EPHA10: variants seen among roughly 807,000 people sequenced by gnomAD.
EPHA10 encodes EPH receptor A10, also known as ephrin type-A receptor 10.
Under a neutral mutation model 109.7 loss-of-function variants are expected in EPHA10, and 120 were observed. The ratio of observed to expected loss-of-function variants is 1.09; its 90% CI spans 0.94 to 1.27. The LOEUF is 1.27. Ranked by LOEUF, EPHA10 falls within the 50% of genes most tolerant of loss-of-function variation. EPHA10 has a pLI of 0.00. For synonymous variants in EPHA10, 640 were observed against 618.9 expected (o/e 1.03, Z -0.51); for missense variants, 1,396 against 1,411.1 (o/e 0.99, Z 0.17).
rs772710066 is a variant in EPHA10, at chr1:37,723,026, G to C, written c.1960+15C>G. The C allele has an allele frequency of 1.1e-4, 179 of 1,613,966 alleles. No individual in the cohort carries two copies. The highest frequency in any genetic ancestry group is 9.2e-5 in the Non-Finnish European group (108 of 1,179,988). Reference sequence around the variant, plus strand: ...CTTCCAGATGGGGACAAGGCTTCCTGGGCGCCCAGCTTGCCTCCTCCAAGG... The same window carrying C: ...CTTCCAGATGGGGACAAGGCTTCCTCGGCGCCCAGCTTGCCTCCTCCAAGG... On this transcript the variant is annotated intron_variant, in intron 10 of 16. Coordinates refer to ENST00000373048, the MANE Select transcript of EPHA10 (RefSeq NM_001099439.2).
intron 13 of EPHA10, 132 bp downstream of exon 13, chr1:37,720,219 T>A (rs1400983045): frequency 1.4e-6 from 2 of 1,386,046 alleles, no homozygotes; most frequent in East Asian, 2.5e-5. Context: ...CAAGGTGGGG[T>A]TCACTCGCAT....
intron 3 of EPHA10, among the ~76,000 whole-genome samples, chr1:37,755,536 A>C (rs1054179305): frequency 6.6e-6 from 1 of 152,186 alleles, no homozygotes; most frequent in African/African-American, 2.4e-5. Flanking sequence ...CAGGTTGTTA[A>C]GATCACAAGT....
At chr1:37,725,874 A>G (rs1342892913) in intron 8 of EPHA10, among the ~76,000 whole-genome samples, 1 of 152,188 alleles carries the variant, frequency 6.6e-6, no homozygotes, top group Non-Finnish European at 1.5e-5. Context: ...CATGGCGCAG[A>G]GCAGGTACTA....
chr1:37,756,081 G>A (rs1027769129), intron 3 of EPHA10, among the ~76,000 whole-genome samples: 2 of 152,148 alleles, frequency 1.3e-5, no homozygotes, highest in African/African-American at 4.8e-5. Context: ...GGGCTCGGCA[G>A]CCCAGGAGCC....
Position 37,748,918 on chromosome 1 carries a change from C to CTTTT in EPHA10, c.1357+3954_1357+3957dup, listed in dbSNP as rs55656984. 7.5e-3 allele frequency among the ~76,000 whole-genome samples: 712 copies of CTTTT among 95,272 alleles called. 3 individuals carry two copies. Among genetic ancestry groups the CTTTT allele is most frequent in the East Asian group, 0.01 (32 of 3,072 alleles). 62.5% of individuals were successfully genotyped at this position (95,272 alleles called of 152,430 possible). A position where few individuals can be genotyped will look rare whatever the true frequency, so the allele number is the denominator to read the frequency against. On this transcript the variant is annotated intron_variant, in intron 5 of 16. Transcript: ENST00000373048. Reference sequence around the variant, plus strand: ...TAAGATGAGTTTCCTTTCTTTTCATCTTTTTTTTTTTTTTTTTTTTTTGAG... The same window carrying CTTTT: ...TAAGATGAGTTTCCTTTCTTTTCATCTTTTTTTTTTTTTTTTTTTTTTTTTTGAG...
In EPHA10 at chr1:37,717,425, GC is replaced by G. The variant is rs762062257; in HGVS notation, c.*946del. 9.9e-5 allele frequency: 23 copies of G among 232,208 alleles called. No individual in the cohort carries two copies. Among genetic ancestry groups the G allele is most frequent in the Middle Eastern group, 1.3e-3 (1 of 774 alleles). The allele number at this position is 232,208 out of a possible 1,614,324, so 14.4% of individuals were successfully genotyped here. A position where few individuals can be genotyped will look rare whatever the true frequency, so the allele number is the denominator to read the frequency against. The stretch of plus-strand genomic sequence containing the variant: ...TGGATTGGGTTCTGACCTCAGCTCT[GC>G]TCCTGACTCCTCACTTGGCCTCAGT... On this transcript the variant is annotated 3_prime_UTR_variant, in exon 17 of 17. Coordinates refer to ENST00000373048, the MANE Select transcript of EPHA10 (RefSeq NM_001099439.2).
chr1:37,718,623 C>T (rs922975845), intron 16 of EPHA10, 38 bp downstream of exon 16: 4 of 1,612,912 alleles, frequency 2.5e-6, no homozygotes, highest in South Asian at 1.1e-5. Flanking sequence ...CTGTGGAATC[C>T]CCCAGCCCCG....
At chr1:37,757,931 C>T (rs904921289) in intron 3 of EPHA10, among the ~76,000 whole-genome samples, 1 of 152,160 alleles carries the variant, frequency 6.6e-6, no homozygotes, top group East Asian at 1.9e-4. Flanking sequence ...CAACCATCTC[C>T]CCTCTCCTCC....
Position 37,718,506 on chromosome 1 carries a change from C to T in EPHA10, c.2913-20G>A, listed in dbSNP as rs371339145. 4 of 1,612,916 alleles carry T rather than the reference C, an allele frequency of 2.5e-6. No homozygotes were observed. The highest frequency in any genetic ancestry group is 3.4e-6 in the Non-Finnish European group (4 of 1,179,768). ...AGGTCCCTGAAACAAAGGCTGGTCACACTCGGCTGGCTTGTCCCCAACTTC... is the reference window on the plus strand; with the variant it reads ...AGGTCCCTGAAACAAAGGCTGGTCATACTCGGCTGGCTTGTCCCCAACTTC... On this transcript the variant is annotated intron_variant, in intron 16 of 16. Coordinates refer to ENST00000373048, the MANE Select transcript of EPHA10 (RefSeq NM_001099439.2).
chr1:37,752,907 G>C lies in EPHA10; in HGVS notation c.1326C>G (p.Tyr442Ter). Residue 442 changes from tyrosine (Y) to a stop codon, truncating the protein, a stop_gained, in exon 5 of 17, where the codon TAC (tyrosine) becomes TAG (stop). Coordinates refer to ENST00000373048, the MANE Select transcript of EPHA10 (RefSeq NM_001099439.2). LOFTEE classifies it high-confidence loss of function. ...SGPAAAAGTT[Y>*]AQVTVSTGPG... ...GCCCGGTGGAGACGGTGACCTGCGC[G>C]TAGGTGGTTCCCGCGGCGGCCGCCG... 1 of 1,314,392 alleles carries C rather than the reference G, an allele frequency of 7.6e-7. No homozygotes were observed. The highest frequency in any genetic ancestry group is 2.1e-5 in the South Asian group (1 of 47,142). The allele number at this position is 1,314,392 out of a possible 1,614,324, so 81.4% of individuals were successfully genotyped here.
At chr1:37,741,758 T>TAAA in intron 5 of EPHA10, among the ~76,000 whole-genome samples, 1 of 143,116 alleles carries the variant, frequency 7.0e-6, no homozygotes, top group South Asian at 2.2e-4. Context: ...TCTGACCCTT[T>TAAA]AAAAAAAAAA....
chr1:37,741,156 T>A (rs1011600230), intron 5 of EPHA10, among the ~76,000 whole-genome samples: 1 of 152,228 alleles, frequency 6.6e-6, no homozygotes, highest in African/African-American at 2.4e-5. Context: ...AGAACAATGA[T>A]GACACCTCCT....
chr1:37,755,339 C>A (rs1646385019), intron 3 of EPHA10, among the ~76,000 whole-genome samples: 1 of 136,744 alleles, frequency 7.3e-6, no homozygotes, highest in African/African-American at 2.7e-5. Context: ...CACACACACA[C>A]ACACACCCTC....
Position 37,719,721 on chromosome 1 carries a change from CACAG to C in EPHA10, c.2563-118_2563-115del, listed in dbSNP as rs1645756559. 13 of 1,390,878 alleles carry C rather than the reference CACAG, an allele frequency of 9.3e-6. No individual in the cohort carries two copies. The Admixed American group carries it at 1.1e-4, about 12-fold the overall frequency. 86.2% of individuals were successfully genotyped at this position (1,390,878 alleles called of 1,614,324 possible). On this transcript the variant is annotated intron_variant, in intron 14 of 16. Transcript: ENST00000373048. ...AGACACACACACACACATGCGCACA[CACAG>C]ACACAGACACACACACACACACCCA...
intron 5 of EPHA10, among the ~76,000 whole-genome samples, chr1:37,745,882 C>T (rs1408348500): frequency 6.6e-6 from 1 of 151,916 alleles, no homozygotes; most frequent in Non-Finnish European, 1.5e-5. Context: ...AGGTGGCTTT[C>T]CTAACAAAAG....
chr1:37,741,134 G>A (rs112268113), intron 5 of EPHA10, among the ~76,000 whole-genome samples: 12 of 152,300 alleles, frequency 7.9e-5, no homozygotes, highest in African/African-American at 1.9e-4. Context: ...CAGTTTCCCC[G>A]TGTGTAAAAT....
At chr1:37,723,006 AGATGG>A in intron 10 of EPHA10, 30 bp downstream of exon 10, 1 of 1,613,802 alleles carries the variant, frequency 6.2e-7, no homozygotes, top group Non-Finnish European at 8.5e-7. Flanking sequence ...TGAGGCTTCC[AGATGG>A]GGACAAGGCT....
chr1:37,752,197 G>A (rs1200724721), intron 5 of EPHA10, among the ~76,000 whole-genome samples: 1 of 152,186 alleles, frequency 6.6e-6, no homozygotes, highest in African/African-American at 2.4e-5. Flanking sequence ...AAACTCTCAG[G>A]AATGAAGGTG....
chr1:37,741,235 T>A (rs893296258), intron 5 of EPHA10, among the ~76,000 whole-genome samples: 35 of 152,194 alleles, frequency 2.3e-4, no homozygotes, highest in African/African-American at 8.2e-4. Flanking sequence ...GCACCAGCAT[T>A]CCAGCAAGAG....
Sources: allele counts gnomAD v4.1 joint callset (sites outside exome capture counted in the v4.1 genomes callset), GRCh38; gene constraint gnomAD v4.1.1; transcripts MANE v1.5; gene names NCBI Gene and HGNC (gene_info 2026-07-23, HGNC 2026-07-21).